Variants in PATJ observed in about 807,000 individuals in gnomAD.
The protein encoded by PATJ is PATJ crumbs cell polarity complex component, also known as inaD-like protein.
Under a neutral mutation model 224.9 loss-of-function variants are expected in PATJ, and 190 were observed. The observed-to-expected ratio is 0.84, with a 90% CI of 0.75 to 0.95. PATJ has a LOEUF of 0.95. Among genes scored for constraint, PATJ ranks in the 40% least tolerant of loss-of-function variants. The pLI is 0.00. For missense variants in PATJ, 2,121 were observed against 2,270.3 expected, an observed-to-expected ratio of 0.93 and a Z score of 1.34; for synonymous variants, 769 against 820.3, an observed-to-expected ratio of 0.94 and a Z score of 1.07.
At chr1:61,851,199 A>C (rs1298706777) in intron 17 of PATJ, among the ~76,000 whole-genome samples, 1 of 152,256 alleles carries the variant, frequency 6.6e-6, no homozygotes, top group Non-Finnish European at 1.5e-5. Context: ...CTGTGGATAC[A>C]TCTAACAGGA....
At chr1:62,025,954 C>T (rs377175902) in intron 29 of PATJ, among the ~76,000 whole-genome samples, 1 of 152,230 alleles carries the variant, frequency 6.6e-6, no homozygotes, top group East Asian at 1.9e-4. Flanking sequence ...TTATGAGCCA[C>T]CTTTTCCTCG....
At chr1:61,887,677 T>C (rs1307510332) in intron 22 of PATJ, among the ~76,000 whole-genome samples, 2 of 152,116 alleles carry the variant, frequency 1.3e-5, no homozygotes, top group African/African-American at 4.8e-5. Context: ...GTTTTGTTTA[T>C]AATTCTAGCA....
At chr1:61,947,387 A>G (rs1198265940) in intron 27 of PATJ, among the ~76,000 whole-genome samples, 1 of 152,234 alleles carries the variant, frequency 6.6e-6, no homozygotes, top group African/African-American at 2.4e-5. Context: ...ATACAAAATC[A>G]CTGTGCAAAA....
chr1:61,827,620 C>T (rs1330347019), intron 16 of PATJ, 37 bp downstream of exon 16: 4 of 1,581,202 alleles, frequency 2.5e-6, no homozygotes, highest in Non-Finnish European at 3.5e-6. Flanking sequence ...CATAGGCATG[C>T]CCATTCATCA....
At position 62,034,948 on chromosome 1, in the gene PATJ, GAA is replaced by G. The variant is rs1263192683; in HGVS notation, c.3960-3026_3960-3025del. On this transcript the variant is annotated intron_variant, in intron 29 of 43. Transcript: ENST00000642238. ...TGCCGGTAACCTTTGAAAGAGATAT[GAA>G]AAGTCACCTATTTAATTACTGCCAA... is the stretch of plus-strand genomic sequence containing the variant. 2.0e-5 allele frequency among the ~76,000 whole-genome samples: 3 copies of G among 152,290 alleles called. No individual in the cohort carries two copies. The East Asian group carries it at 5.8e-4, about 29-fold the overall frequency.
rs571914933 is a variant in PATJ at position 61,775,802 on chromosome 1, C to T, written c.849+468C>T. On this transcript the variant is annotated intron_variant, in intron 7 of 43. Transcript: ENST00000642238. ...CTTTCATTGTTTAGCAGTGTTTAAA[C>T]TGAAAGTGGGCTATTAAAAAAATTA... is the stretch of plus-strand genomic sequence containing the variant. Among the ~76,000 whole-genome samples the T allele has an allele frequency of 2.0e-5, 3 of 152,144 alleles. No individual in the cohort carries two copies. In the South Asian group the frequency reaches 6.2e-4, roughly 32 times the overall value.
At chr1:61,753,037 C>T (rs1431800911) in intron 1 of PATJ, among the ~76,000 whole-genome samples, 1 of 152,036 alleles carries the variant, frequency 6.6e-6, no homozygotes, top group Non-Finnish European at 1.5e-5. Flanking sequence ...TTAATCAGTA[C>T]CTCATAAATG....
intron 43 of PATJ, among the ~76,000 whole-genome samples, chr1:62,159,775 C>G (rs115490986): frequency 6.7e-6 from 1 of 150,326 alleles, no homozygotes; most frequent in African/African-American, 2.4e-5. Context: ...AACTCCTGAG[C>G]TCAAGCAATC....
chr1:62,100,246 C>T (rs1271255281), intron 33 of PATJ: 13 of 610,916 alleles, frequency 2.1e-5, no homozygotes, highest in African/African-American at 3.6e-5. Context: ...TGTCTTACTC[C>T]ATTTTCTGCT....
intron 31 of PATJ, among the ~76,000 whole-genome samples, chr1:62,069,148 G>A (rs1570433267): frequency 6.6e-6 from 1 of 152,284 alleles, no homozygotes. Context: ...TCTAAAAACG[G>A]AATCACTATG....
At chr1:62,119,166 ATATATCT>A (rs143650203) in intron 37 of PATJ, among the ~76,000 whole-genome samples, 2,297 of 152,270 alleles carry the variant, frequency 0.015, 62 homozygotes, top group South Asian at 0.11. Flanking sequence ...AAAACAGTAA[ATATATCT>A]TATCATCACC....
At chr1:61,980,477 GTGGTA>G (rs879868068) in intron 27 of PATJ, among the ~76,000 whole-genome samples, 8,465 of 138,606 alleles carry the variant, frequency 0.061, 584 homozygotes, top group East Asian at 0.35. Context: ...GTGTGTGTGT[GTGGTA>G]TGCATTTTCA....
At chr1:61,883,363 T>A (rs975223050) in intron 21 of PATJ, among the ~76,000 whole-genome samples, 1 of 152,118 alleles carries the variant, frequency 6.6e-6, no homozygotes, top group Non-Finnish European at 1.5e-5. Context: ...TGGTAAAAAA[T>A]TGGCAAAATT....
intron 28 of PATJ, among the ~76,000 whole-genome samples, chr1:61,998,907 A>T (rs1645576410): frequency 6.6e-6 from 1 of 152,144 alleles, no homozygotes; most frequent in African/African-American, 2.4e-5. Flanking sequence ...GAGGCCAAAA[A>T]TCCATATTCT....
chr1:62,142,171 A>G (rs1667570081), intron 41 of PATJ, among the ~76,000 whole-genome samples: 1 of 152,112 alleles, frequency 6.6e-6, no homozygotes, highest in Admixed American at 6.5e-5. Flanking sequence ...CCCCATAAGG[A>G]CAGTCTGTTT....
intron 29 of PATJ, among the ~76,000 whole-genome samples, chr1:62,023,594 G>A (rs901610258): frequency 6.6e-6 from 1 of 152,122 alleles, no homozygotes; most frequent in Non-Finnish European, 1.5e-5. Context: ...GTAGTCTTTG[G>A]GGCCCATGGG....
At chr1:61,752,264 A>G (rs368572162) in intron 1 of PATJ, among the ~76,000 whole-genome samples, 153 of 151,400 alleles carry the variant, frequency 1.0e-3, no homozygotes, top group African/African-American at 3.6e-3. Flanking sequence ...GAAAATTAGC[A>G]TGAGTTAACT....
chr1:61,788,953 C>T (rs772007016), intron 8 of PATJ, among the ~76,000 whole-genome samples: 6 of 6,738 alleles, frequency 8.9e-4, no homozygotes, highest in Non-Finnish European at 1.6e-3. Flanking sequence ...GGATTACAGG[C>T]GTGAGCCACC....
intron 1 of PATJ, among the ~76,000 whole-genome samples, chr1:61,745,500 C>G (rs1644974800): frequency 6.6e-6 from 1 of 152,092 alleles, no homozygotes; most frequent in South Asian, 2.1e-4. Context: ...TCTCGAACTC[C>G]TGACCTCAAG....
Sources: allele counts gnomAD v4.1 joint callset (sites outside exome capture counted in the v4.1 genomes callset), GRCh38; gene constraint gnomAD v4.1.1; transcripts MANE v1.5; gene names NCBI Gene and HGNC (gene_info 2026-07-23, HGNC 2026-07-21).